The following SLC24A2 variants were observed in gnomAD, a reference collection of about 807,000 sequenced individuals.
The protein encoded by SLC24A2 is solute carrier family 24 member 2.
Under a neutral mutation model 62.0 loss-of-function variants are expected in SLC24A2, and 36 were observed. That is an observed-to-expected ratio of 0.58 (90% confidence interval 0.44 to 0.77). The LOEUF is 0.77. Ranked by LOEUF, SLC24A2 falls within the 30% of genes least tolerant of loss-of-function variation. SLC24A2 has a pLI of 0.00. For synonymous variants in SLC24A2, 358 were observed against 294.0 expected (o/e 1.22, Z -2.23); for missense variants, 846 against 817.9 (o/e 1.03, Z -0.42).
chr9:19,544,630 G>T (rs949529678), intron 8 of SLC24A2, among the ~76,000 whole-genome samples: 1 of 152,138 alleles, frequency 6.6e-6, no homozygotes, highest in Non-Finnish European at 1.5e-5. Context: ...GCCTGGTGGT[G>T]ACAAAATCTC....
chr9:20,149,879 C>T, the SLC24A2 span, among the ~76,000 whole-genome samples: 116,911 of 151,832 alleles, frequency 0.77, 47,738 homozygotes, highest in Non-Finnish European at 0.92. Context: ...ACGGATACAG[C>T]CCCTTCCTCA....
At chr9:20,075,812 T>G in the SLC24A2 span, among the ~76,000 whole-genome samples, 6 of 152,224 alleles carry the variant, frequency 3.9e-5, no homozygotes, top group Non-Finnish European at 8.8e-5. Context: ...TTAAGAGAAA[T>G]TGTTGTAAAA....
chr9:20,104,743 T>C, the SLC24A2 span, among the ~76,000 whole-genome samples: 60 of 152,142 alleles, frequency 3.9e-4, no homozygotes, highest in Admixed American at 5.9e-4. Context: ...CACTGCAAAA[T>C]CATGCCAAAT....
At chr9:19,934,941 A>G in the SLC24A2 span, among the ~76,000 whole-genome samples, 17 of 152,084 alleles carry the variant, frequency 1.1e-4, 1 homozygote, top group Admixed American at 1.1e-3. The surrounding 1 kb of genome is among the most constrained non-coding windows in gnomAD (Gnocchi z 4.1). Context: ...GCCTTGAGAT[A>G]TGGGCGTCTT....
chr9:20,025,148 A>G, the SLC24A2 span, among the ~76,000 whole-genome samples: 747 of 152,238 alleles, frequency 4.9e-3, 10 homozygotes, highest in African/African-American at 0.017. Flanking sequence ...AGTCTATTCT[A>G]TTCTATTTTC....
chr9:19,840,685 G>C, the SLC24A2 span, among the ~76,000 whole-genome samples: 1 of 152,104 alleles, frequency 6.6e-6, no homozygotes, highest in Non-Finnish European at 1.5e-5. Context: ...GTCATTCAAT[G>C]AGTTTTGACA....
At chr9:19,855,124 C>G in the SLC24A2 span, among the ~76,000 whole-genome samples, 2 of 151,776 alleles carry the variant, frequency 1.3e-5, no homozygotes, top group Non-Finnish European at 2.9e-5. Flanking sequence ...CTGCTTTTTT[C>G]TGCTTTCCAT....
chr9:19,894,933 T>G, the SLC24A2 span, among the ~76,000 whole-genome samples: 1 of 152,236 alleles, frequency 6.6e-6, no homozygotes, highest in Non-Finnish European at 1.5e-5. Context: ...TGTCAAAGCT[T>G]ACATGATTTC....
chr9:19,528,912 C>T (rs1230681473), intron 8 of SLC24A2, among the ~76,000 whole-genome samples: 2 of 152,144 alleles, frequency 1.3e-5, no homozygotes, highest in East Asian at 3.9e-4. Context: ...TATGCTATCT[C>T]AGGCATAAAG....
At chr9:19,595,276 T>C (rs1321542741) in intron 5 of SLC24A2, among the ~76,000 whole-genome samples, 3 of 152,138 alleles carry the variant, frequency 2.0e-5, no homozygotes, top group Non-Finnish European at 4.4e-5. Flanking sequence ...CTTGCCTTTT[T>C]GCTTTTTCTT....
the SLC24A2 span, among the ~76,000 whole-genome samples, chr9:20,192,593 C>T: frequency 3.3e-5 from 5 of 152,240 alleles, no homozygotes; most frequent in South Asian, 8.3e-4. Flanking sequence ...TTAAACCAGC[C>T]TCCAGGTGGC....
chr9:19,511,865 G>C lies in SLC24A2; in HGVS notation c.*4288C>G, dbSNP rs7868715. 6.6e-6 allele frequency: 1 copy of C among 152,052 alleles called. No homozygotes were observed. The highest frequency in any genetic ancestry group is 1.5e-5 in the Non-Finnish European group (1 of 68,080). The allele number at this position is 152,052 out of a possible 1,614,324, so 9.4% of individuals were successfully genotyped here. ...GGAGGCATAGCATCCACATAATCTC[G>C]CGTGTGTGTGGGGGTGTGGGTGTGT... On this transcript the variant is annotated 3_prime_UTR_variant, in exon 11 of 11. Coordinates refer to ENST00000341998, the MANE Select transcript of SLC24A2 (RefSeq NM_020344.4).
chr9:19,986,480 T>C, the SLC24A2 span, among the ~76,000 whole-genome samples: 1 of 152,106 alleles, frequency 6.6e-6, no homozygotes, highest in Non-Finnish European at 1.5e-5. Flanking sequence ...AGCAAATACA[T>C]GTACACTCAT....
chr9:19,544,074 G>A (rs971764959), intron 8 of SLC24A2, among the ~76,000 whole-genome samples: 1 of 152,024 alleles, frequency 6.6e-6, no homozygotes, highest in African/African-American at 2.4e-5. Context: ...AAGTCTCTTT[G>A]TGGATCTCTA....
At chr9:19,575,832 G>A (rs1018653702) in intron 6 of SLC24A2, among the ~76,000 whole-genome samples, 1 of 152,210 alleles carries the variant, frequency 6.6e-6, no homozygotes, top group Non-Finnish European at 1.5e-5. Context: ...AAAATAGCTT[G>A]TGTAGTTGAA....
chr9:19,985,827 G>C, the SLC24A2 span, among the ~76,000 whole-genome samples: 4 of 152,164 alleles, frequency 2.6e-5, no homozygotes, highest in African/African-American at 9.6e-5. Flanking sequence ...TAAAACTCTT[G>C]GGAAAATAGG....
intron 6 of SLC24A2, among the ~76,000 whole-genome samples, chr9:19,574,897 G>A (rs1835961810): frequency 6.6e-6 from 1 of 152,060 alleles, no homozygotes; most frequent in Admixed American, 6.5e-5. Context: ...GGTTTCTGGG[G>A]GTATCAGAAT....
At chr9:20,158,375 T>A in the SLC24A2 span, among the ~76,000 whole-genome samples, 1 of 151,730 alleles carries the variant, frequency 6.6e-6, no homozygotes, top group Non-Finnish European at 1.5e-5. Flanking sequence ...GGTGATTAGG[T>A]CAGGAGGGGT....
At chr9:19,934,705 G>A in the SLC24A2 span, among the ~76,000 whole-genome samples, 1 of 152,094 alleles carries the variant, frequency 6.6e-6, no homozygotes, top group African/African-American at 2.4e-5. The surrounding 1 kb of genome is among the most constrained non-coding windows in gnomAD (Gnocchi z 4.1). Flanking sequence ...TTTCCGAGAG[G>A]AAACGTTCCC....
Sources: allele counts gnomAD v4.1 joint callset (sites outside exome capture counted in the v4.1 genomes callset), GRCh38; gene constraint gnomAD v4.1.1; non-coding constraint Gnocchi (gnomAD v3.1); transcripts MANE v1.5; gene names NCBI Gene and HGNC (gene_info 2026-07-23, HGNC 2026-07-21).